The following GRAP variants were observed in gnomAD, a reference collection of about 807,000 sequenced individuals.
GRAP encodes the protein GRB2 related adaptor protein.
A neutral mutation model predicts 9.1 loss-of-function variants in GRAP; 2 were observed. That is an observed-to-expected ratio of 0.22 (90% CI 0.09 to 0.69). The LOEUF is 0.69. Among genes scored for constraint, GRAP ranks in the 30% least tolerant of loss-of-function variants. GRAP has a pLI of 0.81. For missense variants in GRAP, 113 were observed against 179.4 expected (o/e 0.63, Z 2.12); for synonymous variants, 68 against 73.6 (o/e 0.92, Z 0.39).
intron 3 of GRAP, chr17:19,031,399 G>C (rs1319731561): frequency 1.0e-5 from 1 of 97,028 alleles, no homozygotes; most frequent in East Asian, 2.7e-4. Flanking sequence ...AAATCTGCCA[G>C]GCTGTCATTT....
At chr17:19,043,546 T>A in intron 1 of GRAP, among the ~76,000 whole-genome samples, 1 of 152,260 alleles carries the variant, frequency 6.6e-6, no homozygotes. Flanking sequence ...GGAGAATCAC[T>A]TGAACCCGGG....
At chr17:19,027,519 C>CAG (rs1216632369) in intron 3 of GRAP, among the ~76,000 whole-genome samples, 3 of 148,204 alleles carry the variant, frequency 2.0e-5, no homozygotes, top group Non-Finnish European at 4.5e-5. Context: ...CACACACACA[C>CAG]ACACACCCCT....
chr17:19,025,614 C>CTT (rs71155384), intron 3 of GRAP, among the ~76,000 whole-genome samples: 22 of 116,170 alleles, frequency 1.9e-4, no homozygotes, highest in South Asian at 1.2e-3. Flanking sequence ...TTTTTCTTTT[C>CTT]TTTTTTTTTT....
rs537477427 is a variant in GRAP, at chr17:19,025,215, G to A, written c.300-832C>T. Among the ~76,000 whole-genome samples the A allele has an allele frequency of 1.0e-3, 141 of 137,678 alleles. 1 individual carries two copies. Among genetic ancestry groups the A allele is most frequent in the Non-Finnish European group, 1.8e-3 (116 of 63,960 alleles). 90.3% of individuals were successfully genotyped at this position (137,678 alleles called of 152,430 possible). On this transcript the variant is annotated intron_variant, in intron 3 of 4. Coordinates refer to ENST00000284154, the MANE Select transcript of GRAP (RefSeq NM_006613.4). Reference sequence around the variant, plus strand: ...TTTTCTTTTTTTTTTTTTTTGAGGCGGAGTCTCGCTCTGTCACCCAGGCTA... The same window carrying A: ...TTTTCTTTTTTTTTTTTTTTGAGGCAGAGTCTCGCTCTGTCACCCAGGCTA...
At chr17:19,025,674 G>A (rs2044310147) in intron 3 of GRAP, among the ~76,000 whole-genome samples, 1 of 131,042 alleles carries the variant, frequency 7.6e-6, no homozygotes, top group African/African-American at 3.0e-5. Context: ...GTGCAATGGC[G>A]CTATCTCGGC....
chr17:19,022,410 AGG>A (rs965086767), intron 4 of GRAP: 3 of 373,086 alleles, frequency 8.0e-6, no homozygotes, highest in Admixed American at 4.6e-5. Flanking sequence ...CTGGTGGGTC[AGG>A]GGACCTGAGT....
intron 4 of GRAP, chr17:19,022,513 T>G (rs1407440506): frequency 3.2e-5 from 7 of 220,842 alleles, no homozygotes; most frequent in Admixed American, 1.7e-4. Flanking sequence ...AGCTTTTGAC[T>G]CCAGGCCACA....
Position 19,022,168 on chromosome 17 carries a change from T to C in GRAP, c.469-24A>G, listed in dbSNP as rs376981830. 15 of 1,360,780 alleles carry C rather than the reference T, an allele frequency of 1.1e-5. No homozygotes were observed. The African/African-American group carries it at 2.0e-4, about 18-fold the overall frequency. The allele number at this position is 1,360,780 out of a possible 1,614,324, so 84.3% of individuals were successfully genotyped here. On this transcript the variant is annotated intron_variant, in intron 4 of 4. Coordinates refer to ENST00000284154, the MANE Select transcript of GRAP (RefSeq NM_006613.4). ...GACTGCAAGAAGAGGAGGTGGTTAGTAGGGTGCCTTCAGAAGCCCTGCAAC... is the reference window on the plus strand; with the variant it reads ...GACTGCAAGAAGAGGAGGTGGTTAGCAGGGTGCCTTCAGAAGCCCTGCAAC...
rs1037084956 is a variant in GRAP, at chr17:19,024,731, G to A, written c.300-348C>T. Among the ~76,000 whole-genome samples, 1 of 152,144 alleles carries A rather than the reference G, an allele frequency of 6.6e-6. No homozygotes were observed. Among genetic ancestry groups the A allele is most frequent in the African/African-American group, 2.4e-5 (1 of 41,418 alleles). ...GCACAGTGACTGGCATATTGGCAAC[G>A]TGAAATGGGTACCTCTGAGTGTGTC... On this transcript the variant is annotated intron_variant, in intron 3 of 4. Transcript: ENST00000284154. This position sits in a 1 kb window ranked among gnomAD's most constrained non-coding sequence, Gnocchi z 4.2.
At position 19,021,814 on chromosome 17, in the gene GRAP, G is replaced by A. The variant is rs545470060; in HGVS notation, c.*145C>T. The A allele has an allele frequency of 7.0e-5, 54 of 772,944 alleles. No individual in the cohort carries two copies. The highest frequency in any genetic ancestry group is 8.5e-5 in the Non-Finnish European group (47 of 553,160). The allele number at this position is 772,944 out of a possible 1,614,324, so 47.9% of individuals were successfully genotyped here. On this transcript the variant is annotated 3_prime_UTR_variant, in exon 5 of 5. Coordinates refer to ENST00000284154, the MANE Select transcript of GRAP (RefSeq NM_006613.4). This position sits in a 1 kb window ranked among gnomAD's most constrained non-coding sequence, Gnocchi z 4.1. ...TGGGCCATCCCAGTTTGTGCAGAGC[G>A]GCCGGAGGCAGTTAGGAGCCCACGT...
intron 4 of GRAP, among the ~76,000 whole-genome samples, chr17:19,023,435 G>A (rs1012733216): frequency 1.3e-5 from 2 of 152,078 alleles, no homozygotes; most frequent in Non-Finnish European, 2.9e-5. Flanking sequence ...AAGCTCAAGT[G>A]TCCCAGGGTC....
chr17:19,022,125 GC>G lies in GRAP; in HGVS notation c.487del (p.Ala163ProfsTer100). On this transcript the variant is annotated frameshift_variant, in exon 5 of 5. Coordinates refer to ENST00000284154, the MANE Select transcript of GRAP (RefSeq NM_006613.4). LOFTEE classifies it low-confidence loss of function (END_TRUNC). The part of the protein sequence containing the change: ...PLLKSPGACF[A>X]QAQFDFSAQD... ...GGCTGAGAAGTCAAACTGGGCCTGG[GC>G]AAAGCAGGCCCCAGGTGACTGCAAG... 1 of 1,531,762 alleles carries G rather than the reference GC, an allele frequency of 6.5e-7. No individual in the cohort carries two copies. The highest frequency in any genetic ancestry group is 8.8e-7 in the Non-Finnish European group (1 of 1,140,424). 94.9% of individuals were successfully genotyped at this position (1,531,762 alleles called of 1,614,324 possible).
chr17:19,024,238 G>A lies in GRAP; in HGVS notation c.445C>T (p.Arg149Cys), dbSNP rs777812775. ...TIAKKRQIFL[R>C]DEEPLLKSPG... ...ACCTTGAGCAAGGGCTCCTCGTCGC[G>A]CAGGAAGATCTGCCGCTTCTTGGCG... Residue 149 changes from arginine to cysteine, a missense_variant, in exon 4 of 5, where the codon CGC becomes TGC. This residue lies in a region of GRAP where 113 missense variants were observed against 163.3 expected (regional missense o/e 0.69). Coordinates refer to ENST00000284154, the MANE Select transcript of GRAP (RefSeq NM_006613.4). This position sits in a 1 kb window ranked among gnomAD's most constrained non-coding sequence, Gnocchi z 4.2. The A allele has an allele frequency of 5.6e-6, 9 of 1,596,762 alleles. No homozygotes were observed. The highest frequency in any genetic ancestry group is 5.4e-5 in the African/African-American group (4 of 74,468).
chr17:19,032,656 G>GT (rs1597928932), intron 3 of GRAP: 3 of 20,690 alleles, frequency 1.4e-4, no homozygotes, highest in East Asian at 1.2e-3. Context: ...CTCAACTCGG[G>GT]CTCCAGACGT....
chr17:19,027,865 G>A (rs1443997444), intron 3 of GRAP, among the ~76,000 whole-genome samples: 10 of 115,906 alleles, frequency 8.6e-5, no homozygotes, highest in African/African-American at 2.5e-4. Context: ...TTACAGTCAA[G>A]GGGTCCAAAC....
chr17:19,021,527 T>G lies in GRAP; in HGVS notation c.*432A>C. The G allele has an allele frequency of 6.7e-6, 2 of 296,606 alleles. No homozygotes were observed. The highest frequency in any genetic ancestry group is 5.4e-5 in the East Asian group (1 of 18,628). The allele number at this position is 296,606 out of a possible 1,614,324, so 18.4% of individuals were successfully genotyped here. The stretch of plus-strand genomic sequence containing the variant: ...CAGCCTGAACAACTCCAGGGGCCTT[T>G]TGAGGGAGGGGCAGGCAGGCCCAGT... On this transcript the variant is annotated 3_prime_UTR_variant, in exon 5 of 5. Coordinates refer to ENST00000284154, the MANE Select transcript of GRAP (RefSeq NM_006613.4). The surrounding 1 kb of genome is among the most constrained non-coding windows in gnomAD (Gnocchi z 4.1).
intron 4 of GRAP, among the ~76,000 whole-genome samples, chr17:19,023,959 A>G (rs1382912835): frequency 3.3e-5 from 5 of 152,080 alleles, no homozygotes; most frequent in Admixed American, 6.6e-5. Flanking sequence ...AGAACAAGCT[A>G]GACAGTTTGT....
Position 19,027,480 on chromosome 17 carries a change from GCGCGCA to G in GRAP, c.300-3103_300-3098del, listed in dbSNP as rs1474384710. On this transcript the variant is annotated intron_variant, in intron 3 of 4. Coordinates refer to ENST00000284154, the MANE Select transcript of GRAP (RefSeq NM_006613.4). ...CTTGATGGGACACATGCGCGCGCGC[GCGCGCA>G]CACACACACACACACACACACACAC... is the stretch of plus-strand genomic sequence containing the variant. Among the ~76,000 whole-genome samples, 88 of 69,438 alleles carry G rather than the reference GCGCGCA, an allele frequency of 1.3e-3. 1 individual carries two copies. The highest frequency in any genetic ancestry group is 3.3e-3 in the African/African-American group (86 of 26,008). 45.6% of individuals were successfully genotyped at this position (69,438 alleles called of 152,430 possible). A position where few individuals can be genotyped will look rare whatever the true frequency, so the allele number is the denominator to read the frequency against.
intron 3 of GRAP, among the ~76,000 whole-genome samples, chr17:19,027,473 C>CGT (rs1844999472): frequency 1.4e-5 from 1 of 72,964 alleles, no homozygotes; most frequent in Admixed American, 1.4e-4. Context: ...GACACATGCG[C>CGT]GCGCGCGCGC....
Sources: gnomAD v4.1 joint callset for allele counts (sites outside exome capture counted in the v4.1 genomes callset) on GRCh38, gnomAD v4.1.1 for gene constraint, gnomAD v4.1.1 regional missense constraint, Gnocchi (gnomAD v3.1) non-coding constraint, MANE v1.5 for transcripts, NCBI Gene and HGNC (gene_info 2026-07-23, HGNC 2026-07-21) for gene names.